Variants in FOXN3 observed in about 807,000 individuals in gnomAD.
The protein encoded by FOXN3 is forkhead box protein N3.
A neutral mutation model predicts 38.4 loss-of-function variants in FOXN3; 7 were observed. The observed-to-expected ratio is 0.18, with a 90% CI of 0.10 to 0.34. FOXN3 has a LOEUF of 0.34. Among genes scored for constraint, FOXN3 ranks in the 10% least tolerant of loss-of-function variants. The pLI, the probability that FOXN3 is intolerant of heterozygous loss-of-function variation, is 1.00. For synonymous variants in FOXN3, 230 were observed against 242.2 expected, an observed-to-expected ratio of 0.95 and a Z score of 0.47; for missense variants, 456 against 613.4, an observed-to-expected ratio of 0.74 and a Z score of 2.71.
At chr14:89,554,427 C>T (rs1895071107) in intron 1 of FOXN3, among the ~76,000 whole-genome samples, 1 of 152,174 alleles carries the variant, frequency 6.6e-6, no homozygotes, top group African/African-American at 2.4e-5. Flanking sequence ...AAAGCCACCA[C>T]ACACGGCCTC....
chr14:89,397,863 C>T (rs1180873700), intron 2 of FOXN3, among the ~76,000 whole-genome samples: 1 of 152,200 alleles, frequency 6.6e-6, no homozygotes, highest in Non-Finnish European at 1.5e-5. Flanking sequence ...AAATGCCTCA[C>T]ATGACTCCAA....
intron 3 of FOXN3, among the ~76,000 whole-genome samples, chr14:89,282,415 C>T (rs898652885): frequency 6.6e-6 from 1 of 152,174 alleles, no homozygotes; most frequent in Admixed American, 6.5e-5. Flanking sequence ...AGGGTAACAG[C>T]AGACCGGACT....
chr14:89,411,470 G>T (rs11621592), intron 2 of FOXN3, among the ~76,000 whole-genome samples: 23,667 of 152,046 alleles, frequency 0.16, 2,163 homozygotes, highest in South Asian at 0.3. Context: ...GTCCACTTAT[G>T]CCAGAACACT....
intron 3 of FOXN3, chr14:89,284,494 T>C (rs190517689): frequency 4.4e-6 from 2 of 456,080 alleles, no homozygotes; most frequent in East Asian, 1.4e-4. Context: ...CTTCTGCTCT[T>C]CCAGCACTAA....
chr14:89,572,838 C>T (rs1449718282), intron 1 of FOXN3, among the ~76,000 whole-genome samples: 1 of 152,214 alleles, frequency 6.6e-6, no homozygotes, highest in Non-Finnish European at 1.5e-5. Flanking sequence ...GAAGGGGGAG[C>T]TGAAAAAGCC....
At chr14:89,507,318 C>G (rs1444118809) in intron 1 of FOXN3, among the ~76,000 whole-genome samples, 1 of 152,094 alleles carries the variant, frequency 6.6e-6, no homozygotes, top group Non-Finnish European at 1.5e-5. Flanking sequence ...TGCAGGCAAT[C>G]GGAGCTATCG....
intron 3 of FOXN3, among the ~76,000 whole-genome samples, chr14:89,325,262 C>A (rs1255495037): frequency 6.8e-6 from 1 of 147,968 alleles, no homozygotes; most frequent in African/African-American, 2.5e-5. Flanking sequence ...ACCACCACCA[C>A]CACCATCACC....
intron 3 of FOXN3, chr14:89,290,500 T>C: frequency 2.0e-6 from 1 of 490,514 alleles, no homozygotes; most frequent in Non-Finnish European, 4.0e-6. Context: ...TCCACTGGAA[T>C]GGAGTTTACT....
At chr14:89,220,056 G>T (rs1475570789) in intron 4 of FOXN3, among the ~76,000 whole-genome samples, 4 of 152,096 alleles carry the variant, frequency 2.6e-5, no homozygotes, top group African/African-American at 9.7e-5. Flanking sequence ...TGTTTGCTTT[G>T]CTCCATTTTG....
At chr14:89,194,558 C>A (rs922145694) in intron 4 of FOXN3, among the ~76,000 whole-genome samples, 1 of 152,042 alleles carries the variant, frequency 6.6e-6, no homozygotes, top group Non-Finnish European at 1.5e-5. Context: ...CCTTGTCACA[C>A]CCTGACACCC....
chr14:89,465,069 A>T (rs565388341), intron 1 of FOXN3, among the ~76,000 whole-genome samples: 1 of 152,252 alleles, frequency 6.6e-6, no homozygotes, highest in East Asian at 1.9e-4. Context: ...CTTTTTGCTC[A>T]GGACTTCTCC....
At chr14:89,469,334 T>C (rs1042680563) in intron 1 of FOXN3, among the ~76,000 whole-genome samples, 2 of 152,296 alleles carry the variant, frequency 1.3e-5, no homozygotes, top group Admixed American at 6.5e-5. Flanking sequence ...TGGGTTAGGG[T>C]GACCAGCAAT....
At chr14:89,567,386 C>T (rs1428099354) in intron 1 of FOXN3, among the ~76,000 whole-genome samples, 1 of 146,894 alleles carries the variant, frequency 6.8e-6, no homozygotes, top group East Asian at 2.0e-4. Context: ...TAAGGCAAGA[C>T]TGTAAAAGGT....
chr14:89,362,479 A>T (rs1263021258), intron 2 of FOXN3, among the ~76,000 whole-genome samples: 1 of 2,304 alleles, frequency 4.3e-4, no homozygotes, highest in African/African-American at 7.1e-4. Context: ...CTCCACCACC[A>T]CCACCACCAC....
intron 2 of FOXN3, among the ~76,000 whole-genome samples, chr14:89,374,798 C>T (rs1273723695): frequency 1.3e-5 from 2 of 151,276 alleles, no homozygotes; most frequent in African/African-American, 4.9e-5. Flanking sequence ...GGTGAAACCC[C>T]ATGTCTACTA....
At chr14:89,473,275 C>T (rs1005927096) in intron 1 of FOXN3, among the ~76,000 whole-genome samples, 5 of 152,000 alleles carry the variant, frequency 3.3e-5, no homozygotes, top group Non-Finnish European at 5.9e-5. Flanking sequence ...CCTCCCGCCT[C>T]GGCCTCCCAA....
At chr14:89,349,611 A>T (rs550811092) in intron 3 of FOXN3, 6 of 152,662 alleles carry the variant, frequency 3.9e-5, no homozygotes, top group African/African-American at 1.4e-4. Context: ...TAGCAAAGGC[A>T]GACATACAGC....
At position 89,484,348 on chromosome 14, in the gene FOXN3, T is replaced by G. The variant is rs534715960; in HGVS notation, c.-14-71858A>C. 1.3e-5 allele frequency among the ~76,000 whole-genome samples: 2 copies of G among 152,384 alleles called. No homozygotes were observed. The highest frequency in any genetic ancestry group is 4.1e-4 in the South Asian group (2 of 4,828). ...AAATATTTCATGGTTTCCATTGCAC[T>G]TATTTAACTCTGCCATTGTAAGGGC... On this transcript the variant is annotated intron_variant, in intron 1 of 6. Transcript: ENST00000345097. The surrounding 1 kb of genome is among the most constrained non-coding windows in gnomAD (Gnocchi z 4.0).
chr14:89,157,494 C>T lies in FOXN3; in HGVS notation c.*4920G>A, dbSNP rs937995051. 1 of 152,598 alleles carries T rather than the reference C, an allele frequency of 6.6e-6. No individual in the cohort carries two copies. The highest frequency in any genetic ancestry group is 1.5e-5 in the Non-Finnish European group (1 of 68,042). The allele number at this position is 152,598 out of a possible 1,614,324, so 9.5% of individuals were successfully genotyped here. A position where few individuals can be genotyped will look rare whatever the true frequency, so the allele number is the denominator to read the frequency against. ...GAAGAGGGGTTAACAGATGAATTCA[C>T]AAAGGTAGGCAGATCTATACAGAAC... is the stretch of plus-strand genomic sequence containing the variant. On this transcript the variant is annotated 3_prime_UTR_variant, in exon 6 of 6. Coordinates refer to ENST00000557258, the MANE Select transcript of FOXN3 (RefSeq NM_005197.4).
Sources: gnomAD v4.1 joint callset for allele counts (sites outside exome capture counted in the v4.1 genomes callset) on GRCh38, gnomAD v4.1.1 for gene constraint, Gnocchi (gnomAD v3.1) non-coding constraint, MANE v1.5 for transcripts, NCBI Gene and HGNC (gene_info 2026-07-23, HGNC 2026-07-21) for gene names.